The following FOCAD variants were observed in gnomAD, a reference collection of about 807,000 sequenced individuals.
FOCAD encodes the protein KIAA1797.
A neutral mutation model predicts 225.6 loss-of-function variants in FOCAD; 198 were observed. The ratio of observed to expected loss-of-function variants is 0.88; its 90% CI spans 0.78 to 0.99. FOCAD has a LOEUF of 0.99. FOCAD is among the 50% of genes least tolerant of loss of function. The pLI is 0.00. For missense variants in FOCAD, 2,713 were observed against 2,123.6 expected (o/e 1.28, Z -5.46); for synonymous variants, 897 against 755.0 (o/e 1.19, Z -3.08).
chr9:20,984,037 T>C (rs1840942461), intron 39 of FOCAD, among the ~76,000 whole-genome samples: 1 of 152,190 alleles, frequency 6.6e-6, no homozygotes, highest in African/African-American at 2.4e-5. Flanking sequence ...TTCAGAACAT[T>C]GTCACTGGAA....
At position 20,990,249 on chromosome 9, in the gene FOCAD, C is replaced by A; in HGVS notation, c.5131C>A (p.Pro1711Thr). 3 of 1,614,150 alleles carry A rather than the reference C, an allele frequency of 1.9e-6. No homozygotes were observed. Among genetic ancestry groups the A allele is most frequent in the Non-Finnish European group, 2.5e-6 (3 of 1,180,018 alleles). Residue 1711 changes from proline (P) to threonine (T), a missense_variant, in exon 42 of 44, where the codon CCA becomes ACA. Transcript: ENST00000338382. ...GCATCAGGAGAATGGCCCGGCTGGG[C>A]CAGTACCAAGCTTCCTTGGCAGGAG... ...PWHQENGPAG[P>T]VPSFLGRSPM...
At chr9:20,954,571 G>A (rs1330047354) in intron 35 of FOCAD, among the ~76,000 whole-genome samples, 1 of 152,106 alleles carries the variant, frequency 6.6e-6, no homozygotes, top group African/African-American at 2.4e-5. Context: ...TCAATCTTCG[G>A]TTGAATGTAA....
At chr9:20,987,847 A>C (rs1014899825) in intron 40 of FOCAD, among the ~76,000 whole-genome samples, 1 of 152,224 alleles carries the variant, frequency 6.6e-6, no homozygotes, top group Non-Finnish European at 1.5e-5. Context: ...TAAAAGGGAA[A>C]AAAGTCAATA....
chr9:20,717,674 T>C, intron 2 of FOCAD, 120 bp from the exon 3 acceptor site: 1 of 715,226 alleles, frequency 1.4e-6, no homozygotes, highest in Non-Finnish European at 2.3e-6. Flanking sequence ...TAGCACACAC[T>C]TAGTTAATGG....
At chr9:20,916,608 C>G (rs1833885073) in intron 23 of FOCAD, among the ~76,000 whole-genome samples, 1 of 152,148 alleles carries the variant, frequency 6.6e-6, no homozygotes. Flanking sequence ...TGTATACTCA[C>G]CACGCTGTCT....
At chr9:20,658,321 C>CGGCTG (rs1821585436) in exon 1 of FOCAD, 1 of 163,518 alleles carries the variant, frequency 6.1e-6, no homozygotes, top group East Asian at 1.8e-4. Flanking sequence ...TCGAGCTTCC[C>CGGCTG]GGCTGCTTTG....
At chr9:20,905,496 A>T (rs1832879671) in intron 21 of FOCAD, among the ~76,000 whole-genome samples, 1 of 152,040 alleles carries the variant, frequency 6.6e-6, no homozygotes, top group African/African-American at 2.4e-5. Flanking sequence ...TCTATGGATT[A>T]TTCGGCAAAA....
At position 20,874,666 on chromosome 9, in the gene FOCAD, C is replaced by T. The variant is rs372353050; in HGVS notation, c.2191-15C>T. 1.2e-4 allele frequency: 192 copies of T among 1,610,612 alleles called. No homozygotes were observed. The highest frequency in any genetic ancestry group is 1.0e-3 in the African/African-American group (75 of 74,836). ...ATTATTATCCTCTCTATGATCTTTT[C>T]GCTTATCATTTCAGATAAGACCAGA... On this transcript the variant is annotated splice_polypyrimidine_tract_variant and intron_variant, in intron 18 of 43. Transcript: ENST00000338382.
chr9:20,930,013 A>G (rs753709291), intron 27 of FOCAD, among the ~76,000 whole-genome samples: 44 of 152,210 alleles, frequency 2.9e-4, no homozygotes, highest in Non-Finnish European at 5.3e-4. Flanking sequence ...GCATATCTCT[A>G]GTGCCTAAGG....
At chr9:20,878,963 C>T (rs1325664808) in intron 19 of FOCAD, among the ~76,000 whole-genome samples, 1 of 152,136 alleles carries the variant, frequency 6.6e-6, no homozygotes, top group Non-Finnish European at 1.5e-5. Context: ...AGAGAGTTCA[C>T]CTTCTGCATT....
chr9:20,938,243 G>A (rs1390501652), intron 28 of FOCAD, among the ~76,000 whole-genome samples: 1 of 152,148 alleles, frequency 6.6e-6, no homozygotes, highest in Non-Finnish European at 1.5e-5. Context: ...TATACCCAAA[G>A]GTTTATAAAT....
chr9:20,746,343 C>T (rs1828034611), intron 5 of FOCAD, among the ~76,000 whole-genome samples: 1 of 152,058 alleles, frequency 6.6e-6, no homozygotes, highest in Admixed American at 6.6e-5. Context: ...GAGTTTAGTG[C>T]TCTAGGGAGG....
rs138260127 is a variant in FOCAD, at chr9:20,785,492, A to G, written c.1197+3563A>G. ...CCTATTCTAGACATTTCCTTCAAGTATAATCATACAATATGTGGTCCTTTG... is the reference window on the plus strand; with the variant it reads ...CCTATTCTAGACATTTCCTTCAAGTGTAATCATACAATATGTGGTCCTTTG... On this transcript the variant is annotated intron_variant, in intron 10 of 43. Coordinates refer to ENST00000338382, the MANE Select transcript of FOCAD (RefSeq NM_001375567.1). Among the ~76,000 whole-genome samples the G allele has an allele frequency of 6.2e-3, 942 of 152,222 alleles. 10 individuals are homozygous for G. Among genetic ancestry groups the G allele is most frequent in the African/African-American group, 0.022 (898 of 41,510 alleles).
At chr9:20,792,695 C>T (rs978503050) in intron 11 of FOCAD, among the ~76,000 whole-genome samples, 3 of 151,962 alleles carry the variant, frequency 2.0e-5, no homozygotes, top group African/African-American at 2.4e-5. Context: ...TTGCAATCTT[C>T]GATTATTTTA....
intron 2 of FOCAD, among the ~76,000 whole-genome samples, chr9:20,670,079 GTTTA>G (rs1421233182): frequency 2.0e-5 from 3 of 152,174 alleles, no homozygotes; most frequent in African/African-American, 7.2e-5. Context: ...AACCCATGGT[GTTTA>G]TTAGAGCACT....
rs756175654 is a variant in FOCAD, at chr9:20,976,431, G to T, written c.4144G>T (p.Val1382Leu). Reference sequence around the variant, plus strand: ...ACTGTCTGTTATAGGTCCTGAATCTGTGCCTCCTTCCCTTCTTAAAGTAGT... The same window carrying T: ...ACTGTCTGTTATAGGTCCTGAATCTTTGCCTCCTTCCCTTCTTAAAGTAGT... ...ITGGKKGPESVPPSLLKVVMK... is the reference protein window; with the variant it reads ...ITGGKKGPESLPPSLLKVVMK... Residue 1382 changes from valine (V) to leucine (L), a missense_variant, in exon 36 of 44, where the codon GTG becomes TTG. By Grantham distance (32) the Val-to-Leu change is conservative. Transcript: ENST00000338382. The T allele has an allele frequency of 1.4e-5, 23 of 1,612,848 alleles. No homozygotes were observed. In the African/African-American group the frequency reaches 2.7e-4, roughly 19 times the overall value.
At chr9:20,734,559 G>C (rs1826977430) in intron 4 of FOCAD, among the ~76,000 whole-genome samples, 1 of 152,106 alleles carries the variant, frequency 6.6e-6, no homozygotes, top group Non-Finnish European at 1.5e-5. Context: ...CTGTTTAAGA[G>C]GAGTCACATT....
chr9:20,673,815 GC>G (rs773698722), intron 2 of FOCAD, among the ~76,000 whole-genome samples: 8 of 152,114 alleles, frequency 5.3e-5, no homozygotes, highest in Non-Finnish European at 8.8e-5. Flanking sequence ...CAAGCGATCT[GC>G]CCACCTGGGC....
upstream of FOCAD, among the ~76,000 whole-genome samples, chr9:20,657,294 C>A (rs1288807449): frequency 8.5e-6 from 1 of 118,000 alleles, no homozygotes; most frequent in Non-Finnish European, 1.8e-5. Context: ...TTGTGGCGTT[C>A]TCTGTATTTC....
Sources: allele counts gnomAD v4.1 joint callset (sites outside exome capture counted in the v4.1 genomes callset), GRCh38; gene constraint gnomAD v4.1.1; transcripts MANE v1.5; gene names NCBI Gene and HGNC (gene_info 2026-07-23, HGNC 2026-07-21).